Variants in SCP2 observed in about 807,000 individuals in gnomAD.
SCP2 encodes SCP-2/3-oxoacyl-CoA thiolase.
In SCP2, 48 loss-of-function variants were observed where a neutral mutation model predicts 71.4. The observed-to-expected ratio is 0.67, with a 90% CI of 0.53 to 0.86. The LOEUF (loss-of-function observed/expected upper bound fraction) is 0.86. SCP2 is among the 40% of genes least tolerant of loss of function. SCP2 has a pLI of 0.00. For synonymous variants in SCP2, 220 were observed against 218.1 expected (o/e 1.01, Z -0.08); for missense variants, 560 against 655.6 (o/e 0.85, Z 1.59).
chr1:53,033,118 A>T (rs1272083817), intron 13 of SCP2, among the ~76,000 whole-genome samples: 1 of 152,218 alleles, frequency 6.6e-6, no homozygotes, highest in South Asian at 2.1e-4. Flanking sequence ...GGATACTCAC[A>T]TGTAAGAGAT....
chr1:52,995,363 T>A (rs571471623), intron 11 of SCP2: 14 of 471,320 alleles, frequency 3.0e-5, no homozygotes, highest in Non-Finnish European at 5.1e-5. Context: ...ACTTTGAAGC[T>A]GACCACACCA....
chr1:52,929,508 C>T (rs1358307751), intron 1 of SCP2, among the ~76,000 whole-genome samples: 1 of 152,056 alleles, frequency 6.6e-6, no homozygotes, highest in Non-Finnish European at 1.5e-5. Context: ...TGCAGTGGGG[C>T]GATCTCAGCT....
intron 14 of SCP2, among the ~76,000 whole-genome samples, chr1:53,040,457 C>T (rs1449762190): frequency 6.6e-6 from 1 of 152,232 alleles, no homozygotes; most frequent in African/African-American, 2.4e-5. Flanking sequence ...CTGTTCCCTC[C>T]TTTCCTTTGG....
At chr1:52,991,918 A>G (rs1415000687) in intron 11 of SCP2, among the ~76,000 whole-genome samples, 3 of 152,224 alleles carry the variant, frequency 2.0e-5, no homozygotes, top group Admixed American at 2.0e-4. Context: ...AATCAGGAAC[A>G]TACTATTGAA....
intron 12 of SCP2, among the ~76,000 whole-genome samples, chr1:53,027,670 A>G (rs1353905124): frequency 1.3e-5 from 2 of 151,892 alleles, no homozygotes; most frequent in East Asian, 3.9e-4. Context: ...ATGCCCAGCT[A>G]ATTTTTGTAT....
intron 5 of SCP2, among the ~76,000 whole-genome samples, chr1:52,960,579 T>G (rs141988944): frequency 9.2e-5 from 13 of 140,966 alleles, no homozygotes; most frequent in East Asian, 5.9e-4. Context: ...TATATATGTA[T>G]ATATGTATGT....
chr1:52,939,124 G>C (rs902402605), intron 1 of SCP2, among the ~76,000 whole-genome samples: 1 of 152,164 alleles, frequency 6.6e-6, no homozygotes, highest in African/African-American at 2.4e-5. Context: ...CTCATAGCTT[G>C]ATAGCTCATT....
chr1:53,003,928 C>T (rs1238247806), intron 11 of SCP2, among the ~76,000 whole-genome samples: 1 of 152,170 alleles, frequency 6.6e-6, no homozygotes, highest in African/African-American at 2.4e-5. Context: ...TGGGAACTTC[C>T]ACCTTTTCAT....
intron 12 of SCP2, among the ~76,000 whole-genome samples, chr1:53,024,337 A>T (rs1661960278): frequency 6.6e-6 from 1 of 152,136 alleles, no homozygotes; most frequent in Non-Finnish European, 1.5e-5. Flanking sequence ...TTTAATGGGT[A>T]GAGTTTCAGT....
At chr1:52,954,201 A>G (rs1655589321) in intron 4 of SCP2, among the ~76,000 whole-genome samples, 1 of 151,104 alleles carries the variant, frequency 6.6e-6, no homozygotes, top group Non-Finnish European at 1.5e-5. Flanking sequence ...ACCCCATTCA[A>G]CTAATAGAGA....
At chr1:53,023,027 A>C (rs1661860757) in intron 12 of SCP2, among the ~76,000 whole-genome samples, 1 of 152,208 alleles carries the variant, frequency 6.6e-6, no homozygotes, top group Non-Finnish European at 1.5e-5. Flanking sequence ...TTTTTATGTA[A>C]AGAAATCATG....
intron 6 of SCP2, among the ~76,000 whole-genome samples, chr1:52,972,051 G>T (rs1657547915): frequency 6.6e-6 from 1 of 151,872 alleles, no homozygotes; most frequent in Non-Finnish European, 1.5e-5. Context: ...ATCATTTGGG[G>T]GTATTGTTTC....
chr1:53,015,281 C>A (rs550882305), intron 12 of SCP2, among the ~76,000 whole-genome samples: 1 of 152,218 alleles, frequency 6.6e-6, no homozygotes, highest in East Asian at 1.9e-4. Flanking sequence ...GAACTAGAAG[C>A]CTGAGCTAGC....
In SCP2 at chr1:53,050,678, C is replaced by T. The variant is rs1436308796; in HGVS notation, c.1618C>T (p.Leu540Phe). Residue 540 changes from leucine to phenylalanine, a missense_variant, in exon 16 of 16, where the codon CTT (leucine) becomes TTT (phenylalanine). By Grantham distance (22) the Leu-to-Phe change is conservative (BLOSUM62 0). Around this residue, in one of 3 missense-constraint regions of SCP2, gnomAD observed 43 missense variants for 65.9 expected, o/e 0.65. Coordinates refer to ENST00000371514, the MANE Select transcript of SCP2 (RefSeq NM_002979.5). Reference protein sequence around the residue: ...GLAMKLQNLQLQPGNAKL With the variant: ...GLAMKLQNLQFQPGNAKL ...CGCTATGAAGTTACAAAATCTTCAGCTTCAGCCAGGCAACGCTAAGCTCTG... is the reference window on the plus strand; with the variant it reads ...CGCTATGAAGTTACAAAATCTTCAGTTTCAGCCAGGCAACGCTAAGCTCTG... The T allele has an allele frequency of 6.2e-7, 1 of 1,613,320 alleles. No individual in the cohort carries two copies. Among genetic ancestry groups the T allele is most frequent in the East Asian group, 2.2e-5 (1 of 44,872 alleles).
intron 12 of SCP2, 141 bp downstream of exon 12, chr1:53,015,184 G>C: frequency 1.1e-6 from 1 of 899,492 alleles, no homozygotes. Flanking sequence ...TAAGAACATG[G>C]CTTTAAAAGT....
rs1658158719 is a variant in SCP2, at chr1:52,978,212, C to T, written c.675-5C>T. On this transcript the variant is annotated splice_region_variant and splice_polypyrimidine_tract_variant and intron_variant, in intron 8 of 15. Coordinates refer to ENST00000371514, the MANE Select transcript of SCP2 (RefSeq NM_002979.5). ...GTGTGGAGAATTATTTTTACTTCCT[C>T]TTAGTCCCACTTCAGATGGTGCTGC... 3 of 1,613,328 alleles carry T rather than the reference C, an allele frequency of 1.9e-6. No individual in the cohort carries two copies. The African/African-American group carries it at 4.0e-5, about 21-fold the overall frequency.
At position 52,980,317 on chromosome 1, in the gene SCP2, G is replaced by A. The variant is rs556174444; in HGVS notation, c.826-79G>A. ...GTCAATTATCAGTTGTTAAGGTTAT[G>A]CATCTATTAATCTCTTAAAATACTT... On this transcript the variant is annotated intron_variant, in intron 9 of 15. Transcript: ENST00000371514. 8.5e-6 allele frequency: 11 copies of A among 1,294,604 alleles called. No individual in the cohort carries two copies. The African/African-American group carries it at 1.0e-4, about 12-fold the overall frequency. The allele number at this position is 1,294,604 out of a possible 1,614,324, so 80.2% of individuals were successfully genotyped here. A position where few individuals can be genotyped will look rare whatever the true frequency, so the allele number is the denominator to read the frequency against.
At chr1:53,002,553 T>C (rs1304697086) in intron 11 of SCP2, among the ~76,000 whole-genome samples, 2 of 152,230 alleles carry the variant, frequency 1.3e-5, no homozygotes, top group African/African-American at 4.8e-5. Flanking sequence ...ATGTAACAAC[T>C]TGATAGGAAT....
chr1:52,928,491 T>C (rs1432088126), intron 1 of SCP2, among the ~76,000 whole-genome samples: 1 of 152,190 alleles, frequency 6.6e-6, no homozygotes, highest in African/African-American at 2.4e-5. Context: ...CAGTCCAACA[T>C]GTAAATAGGC....
Sources: allele counts gnomAD v4.1 joint callset (sites outside exome capture counted in the v4.1 genomes callset), GRCh38; gene constraint gnomAD v4.1.1; regional missense constraint gnomAD v4.1.1; transcripts MANE v1.5; gene names NCBI Gene and HGNC (gene_info 2026-07-23, HGNC 2026-07-21).